TEX50: variants seen among roughly 807,000 people sequenced by gnomAD.
TEX50 encodes testis-expressed protein 50.
A neutral mutation model predicts 9.8 loss-of-function variants in TEX50; 3 were observed. The observed-to-expected ratio is 0.31, with a 90% CI of 0.14 to 0.79. The LOEUF (loss-of-function observed/expected upper bound fraction) is 0.79. Among genes scored for constraint, TEX50 ranks in the 30% least tolerant of loss-of-function variants. TEX50 has a pLI of 0.63. For missense variants in TEX50, 164 were observed against 199.3 expected, an observed-to-expected ratio of 0.82 and a Z score of 1.07; for synonymous variants, 61 against 72.1, an observed-to-expected ratio of 0.85 and a Z score of 0.78.
rs1300317382 is a variant in TEX50, at chr1:173,635,398, T to C, written c.-124T>C. On this transcript the variant is annotated 5_prime_UTR_variant, in exon 1 of 2. Coordinates refer to ENST00000417563, the MANE Select transcript of TEX50 (RefSeq NM_001195190.3). ...TTTATTGAAGCACCATTTTAACTAA[T>C]AGCTCCTGGTATTTTCTGCTTCCCT... 9 of 764,402 alleles carry C rather than the reference T, an allele frequency of 1.2e-5. No homozygotes were observed. Among genetic ancestry groups the C allele is most frequent in the African/African-American group, 5.3e-5 (3 of 56,914 alleles). The allele number at this position is 764,402 out of a possible 1,614,324, so 47.4% of individuals were successfully genotyped here.
chr1:173,635,495 T>C lies in TEX50; in HGVS notation c.-27T>C. On this transcript the variant is annotated 5_prime_UTR_variant, in exon 1 of 2. Coordinates refer to ENST00000417563, the MANE Select transcript of TEX50 (RefSeq NM_001195190.3). ...TATTTTAAAATAGCTAAATTTTAGC[T>C]ACTTTTTTTTCAATTGACAAAGAAG... The C allele has an allele frequency of 6.8e-7, 1 of 1,460,096 alleles. No homozygotes were observed. Among genetic ancestry groups the C allele is most frequent in the Admixed American group, 2.5e-5 (1 of 39,568 alleles). 90.4% of individuals were successfully genotyped at this position (1,460,096 alleles called of 1,614,324 possible).
In TEX50 at chr1:173,637,043, G is replaced by A; in HGVS notation, c.*7G>A. On this transcript the variant is annotated 3_prime_UTR_variant, in exon 2 of 2. Transcript: ENST00000417563. ...AGGAGCCAGAAGATACTAAATAAAT[G>A]CATATGCAAATGTAGCTTAGTCAAT... is the stretch of plus-strand genomic sequence containing the variant. 1 of 1,460,444 alleles carries A rather than the reference G, an allele frequency of 6.8e-7. No homozygotes were observed. The highest frequency in any genetic ancestry group is 9.3e-7 in the Non-Finnish European group (1 of 1,079,940). The allele number at this position is 1,460,444 out of a possible 1,614,324, so 90.5% of individuals were successfully genotyped here. A position where few individuals can be genotyped will look rare whatever the true frequency, so the allele number is the denominator to read the frequency against.
chr1:173,635,501 T>G lies in TEX50; in HGVS notation c.-21T>G. 6.8e-7 allele frequency: 1 copy of G among 1,476,812 alleles called. No individual in the cohort carries two copies. The highest frequency in any genetic ancestry group is 1.3e-5 in the South Asian group (1 of 75,160). The allele number at this position is 1,476,812 out of a possible 1,614,324, so 91.5% of individuals were successfully genotyped here. On this transcript the variant is annotated 5_prime_UTR_variant, in exon 1 of 2. Transcript: ENST00000417563. ...AAAATAGCTAAATTTTAGCTACTTTTTTTTCAATTGACAAAGAAGGATGTC... is the reference window on the plus strand; with the variant it reads ...AAAATAGCTAAATTTTAGCTACTTTGTTTTCAATTGACAAAGAAGGATGTC...
Position 173,635,350 on chromosome 1 carries a change from CTG to C in TEX50, c.-171_-170del, listed in dbSNP as rs1477805278. The C allele has an allele frequency of 3.5e-6, 2 of 579,214 alleles. No individual in the cohort carries two copies. Among genetic ancestry groups the C allele is most frequent in the African/African-American group, 3.7e-5 (2 of 53,570 alleles). 35.9% of individuals were successfully genotyped at this position (579,214 alleles called of 1,614,324 possible). On this transcript the variant is annotated 5_prime_UTR_variant, in exon 1 of 2. Coordinates refer to ENST00000417563, the MANE Select transcript of TEX50 (RefSeq NM_001195190.3). ...TCCTTTGCTGGGCATATTTTGCTGACTGGCAAGGTTATATGAAGTGCTTTTAT... is the reference window on the plus strand; with the variant it reads ...TCCTTTGCTGGGCATATTTTGCTGACGCAAGGTTATATGAAGTGCTTTTAT...
chr1:173,636,889 C>T lies in TEX50; in HGVS notation c.387C>T (p.Asn129=). The T allele has an allele frequency of 1.3e-6, 2 of 1,535,832 alleles. No individual in the cohort carries two copies. Among genetic ancestry groups the T allele is most frequent in the South Asian group, 1.2e-5 (1 of 84,048 alleles). The change falls in exon 2 of 2, where the codon AAC becomes AAT. Residue 129 remains asparagine (N), a synonymous_variant. Transcript: ENST00000417563. ...ATCTAGAAAGCCCATTGATCAACAA[C>T]ATTGACCAAACACTCCACAGAGTGG... ...GNDLESPLIN[N]IDQTLHRVAT...
rs1382953779 is a variant in TEX50, at chr1:173,635,538, T to A, written c.17T>A (p.Leu6Gln). The change falls in exon 1 of 2, where the codon CTA becomes CAA. Residue 6 changes from leucine (L) to glutamine (Q), a missense_variant. Coordinates refer to ENST00000417563, the MANE Select transcript of TEX50 (RefSeq NM_001195190.3). MSNQR[L>Q]PLIFSLLFIC... is the part of the protein sequence containing the mutation. ...CAAAGAAGGATGTCTAATCAAAGACTACCGCTGATTTTTTCTCTGTTGTTT... is the reference window on the plus strand; with the variant it reads ...CAAAGAAGGATGTCTAATCAAAGACAACCGCTGATTTTTTCTCTGTTGTTT... The A allele has an allele frequency of 6.5e-7, 1 of 1,530,586 alleles. No homozygotes were observed. Among genetic ancestry groups the A allele is most frequent in the Non-Finnish European group, 8.7e-7 (1 of 1,143,580 alleles). 94.8% of individuals were successfully genotyped at this position (1,530,586 alleles called of 1,614,324 possible).
intron 1 of TEX50, among the ~76,000 whole-genome samples, 184 bp downstream of exon 1, chr1:173,636,029 T>G (rs1157106210): frequency 6.6e-6 from 1 of 152,140 alleles, no homozygotes; most frequent in Non-Finnish European, 1.5e-5. Flanking sequence ...CAAATGTGTA[T>G]TGAATTAGAA....
intron 1 of TEX50, 38 bp downstream of exon 1, chr1:173,635,883 T>G: frequency 7.1e-7 from 1 of 1,403,434 alleles, no homozygotes. Flanking sequence ...TTACAAAATC[T>G]CTAAGGGTTT....
chr1:173,636,751 ATAT>A, intron 1 of TEX50, 73 bp from the exon 2 acceptor site: 3 of 1,019,258 alleles, frequency 2.9e-6, no homozygotes, highest in East Asian at 5.2e-5. Context: ...AATTTGAACT[ATAT>A]TATTAACTAT....
intron 1 of TEX50, among the ~76,000 whole-genome samples, 174 bp from the exon 2 acceptor site, chr1:173,636,653 C>T (rs1668458073): frequency 6.6e-6 from 1 of 152,132 alleles, no homozygotes; most frequent in African/African-American, 2.4e-5. Flanking sequence ...GCACTTATAC[C>T]TTACTTCTAT....
chr1:173,636,610 T>A (rs981832423), intron 1 of TEX50, among the ~76,000 whole-genome samples: 1 of 152,206 alleles, frequency 6.6e-6, no homozygotes, highest in African/African-American at 2.4e-5. Context: ...GTGATAAGGA[T>A]CATACATGTG....
chr1:173,635,572 C>T lies in TEX50; in HGVS notation c.51C>T (p.Phe17=). Residue 17 remains phenylalanine, a synonymous_variant, in exon 1 of 2, where the codon TTC becomes TTT. Transcript: ENST00000417563. ...TTTTTTCTCTGTTGTTTATCTGCTT[C>T]TTCGGGGAGAGTTTCTGCATTTGTG... is the stretch of plus-strand genomic sequence containing the variant. The part of the protein sequence containing the change: ...PLIFSLLFIC[F]FGESFCICDG... 1 of 1,534,988 alleles carries T rather than the reference C, an allele frequency of 6.5e-7. No homozygotes were observed. The highest frequency in any genetic ancestry group is 8.7e-7 in the Non-Finnish European group (1 of 1,146,328).
rs1163065585 is a variant in TEX50 at position 173,636,849 on chromosome 1, A to T, written c.347A>T (p.Glu116Val). ...TAGCTGAAAAAGCAAGCCTCCTTAG[A>T]AAAACCTGGTAATGATCTAGAAAGC... ...QKKLKKQASLEKPGNDLESPL... is the reference protein window; with the variant it reads ...QKKLKKQASLVKPGNDLESPL... The change falls in exon 2 of 2, where the codon GAA becomes GTA. Residue 116 changes from glutamate to valine, a missense_variant. Coordinates refer to ENST00000417563, the MANE Select transcript of TEX50 (RefSeq NM_001195190.3). 1 of 1,535,516 alleles carries T rather than the reference A, an allele frequency of 6.5e-7. No homozygotes were observed. Among genetic ancestry groups the T allele is most frequent in the Non-Finnish European group, 8.7e-7 (1 of 1,146,680 alleles).
Position 173,637,008 on chromosome 1 carries a change from G to A in TEX50, c.506G>A (p.Ser169Asn). Residue 169 changes from serine to asparagine, a missense_variant, in exon 2 of 2, where the codon AGT becomes AAT. Ser to Asn is a conservative substitution (Grantham distance 46, BLOSUM62 1). Coordinates refer to ENST00000417563, the MANE Select transcript of TEX50 (RefSeq NM_001195190.3). ...KIKHCKLKKK[S>N]KEEGARRY ...AAGCACTGCAAATTAAAGAAGAAGA[G>A]TAAAGAAGAAGGAGCCAGAAGATAC... The A allele has an allele frequency of 6.5e-7, 1 of 1,534,498 alleles. No homozygotes were observed. The highest frequency in any genetic ancestry group is 8.7e-7 in the Non-Finnish European group (1 of 1,145,678).
chr1:173,636,834 A>G lies in TEX50; in HGVS notation c.332A>G (p.Lys111Arg), dbSNP rs1236504810. ...TTGTTTTTCTCCTTTTAGCTGAAAA[A>G]GCAAGCCTCCTTAGAAAAACCTGGT... is the stretch of plus-strand genomic sequence containing the variant. ...KWKKHQKKLKKQASLEKPGND... is the reference protein window; with the variant it reads ...KWKKHQKKLKRQASLEKPGND... The change falls in exon 2 of 2, where the codon AAG becomes AGG. Residue 111 changes from lysine to arginine, a missense_variant. This residue lies in a region of TEX50 where 135 missense variants were observed against 154.2 expected (regional missense o/e 0.88). Transcript: ENST00000417563. 6.5e-7 allele frequency: 1 copy of G among 1,535,318 alleles called. No homozygotes were observed. The highest frequency in any genetic ancestry group is 8.7e-7 in the Non-Finnish European group (1 of 1,146,444).
In TEX50 at chr1:173,635,518, A is replaced by G. The variant is rs1337261447; in HGVS notation, c.-4A>G. The stretch of plus-strand genomic sequence containing the variant: ...GCTACTTTTTTTTCAATTGACAAAG[A>G]AGGATGTCTAATCAAAGACTACCGC... On this transcript the variant is annotated 5_prime_UTR_variant, in exon 1 of 2. Coordinates refer to ENST00000417563, the MANE Select transcript of TEX50 (RefSeq NM_001195190.3). 1 of 1,505,652 alleles carries G rather than the reference A, an allele frequency of 6.6e-7. No individual in the cohort carries two copies. The highest frequency in any genetic ancestry group is 1.4e-5 in the African/African-American group (1 of 71,722). The allele number at this position is 1,505,652 out of a possible 1,614,324, so 93.3% of individuals were successfully genotyped here.
intron 1 of TEX50, 141 bp from the exon 2 acceptor site, chr1:173,636,686 T>C: frequency 1.5e-6 from 1 of 648,618 alleles, no homozygotes; most frequent in East Asian, 2.8e-5. Context: ...TTAGTATAAA[T>C]AATTGATGTG....
rs1179222149 is a variant in TEX50 at position 173,635,437 on chromosome 1, A to C, written c.-85A>C. 3.0e-6 allele frequency: 3 copies of C among 993,660 alleles called. No homozygotes were observed. The highest frequency in any genetic ancestry group is 2.9e-5 in the Admixed American group (1 of 34,458). 61.6% of individuals were successfully genotyped at this position (993,660 alleles called of 1,614,324 possible). A position where few individuals can be genotyped will look rare whatever the true frequency, so the allele number is the denominator to read the frequency against. On this transcript the variant is annotated 5_prime_UTR_variant, in exon 1 of 2. Coordinates refer to ENST00000417563, the MANE Select transcript of TEX50 (RefSeq NM_001195190.3). Reference sequence around the variant, plus strand: ...TTCTGCTTCCCTTCGTAGGGAATTTAGTTATTTTATTTTATTATTTAGCTA... The same window carrying C: ...TTCTGCTTCCCTTCGTAGGGAATTTCGTTATTTTATTTTATTATTTAGCTA...
rs1254510907 is a variant in TEX50 at position 173,635,552 on chromosome 1, T to C, written c.31T>C (p.Ser11Pro). Residue 11 changes from serine to proline, a missense_variant, in exon 1 of 2, where the codon TCT (serine) becomes CCT (proline). Ser to Pro is a moderately conservative substitution (Grantham distance 74). This residue lies in a region of TEX50 where 24 missense variants were observed against 22.0 expected (regional missense o/e 1.09). Transcript: ENST00000417563. Reference sequence around the variant, plus strand: ...TAATCAAAGACTACCGCTGATTTTTTCTCTGTTGTTTATCTGCTTCTTCGG... The same window carrying C: ...TAATCAAAGACTACCGCTGATTTTTCCTCTGTTGTTTATCTGCTTCTTCGG... MSNQRLPLIF[S>P]LLFICFFGES... 11 of 1,532,712 alleles carry C rather than the reference T, an allele frequency of 7.2e-6. No individual in the cohort carries two copies. Among genetic ancestry groups the C allele is most frequent in the Non-Finnish European group, 9.6e-6 (11 of 1,144,958 alleles). The allele number at this position is 1,532,712 out of a possible 1,614,324, so 94.9% of individuals were successfully genotyped here.
Sources: gnomAD v4.1 joint callset for allele counts (sites outside exome capture counted in the v4.1 genomes callset) on GRCh38, gnomAD v4.1.1 for gene constraint, gnomAD v4.1.1 regional missense constraint, MANE v1.5 for transcripts, NCBI Gene and HGNC (gene_info 2026-07-23, HGNC 2026-07-21) for gene names.